Variants in VPS52 observed in about 807,000 individuals in gnomAD.
VPS52 encodes VPS52 subunit of GARP complex.
Under a neutral mutation model 98.7 loss-of-function variants are expected in VPS52, and 56 were observed. The observed-to-expected ratio is 0.57, with a 90% CI of 0.46 to 0.71. The LOEUF (loss-of-function observed/expected upper bound fraction) is 0.71, where lower values mean the gene tolerates loss of function less well. Among genes scored for constraint, VPS52 ranks in the 30% least tolerant of loss-of-function variants. VPS52 has a pLI of 0.00. For synonymous variants in VPS52, 348 were observed against 346.4 expected, an observed-to-expected ratio of 1.00 and a Z score of -0.05; for missense variants, 742 against 925.9, an observed-to-expected ratio of 0.80 and a Z score of 2.58.
At chr6:33,256,840 TAAAA>T (rs534430706) in intron 17 of VPS52, among the ~76,000 whole-genome samples, 1 of 91,718 alleles carries the variant, frequency 1.1e-5, no homozygotes, top group Non-Finnish European at 2.3e-5. Context: ...AGACTCTGTC[TAAAA>T]AAAAAAAAAA....
Position 33,264,684 on chromosome 6 carries a change from A to G in VPS52, c.1400+98T>C. ...AGCAAATGAATGGGAATAAAGGTTG[A>G]TGATACCAGGTCAGTAGGAGTCTAA... On this transcript the variant is annotated intron_variant, in intron 13 of 19. Transcript: ENST00000445902. 4 of 1,414,340 alleles carry G rather than the reference A, an allele frequency of 2.8e-6. No individual in the cohort carries two copies. The South Asian group carries it at 4.6e-5, about 16-fold the overall frequency. 87.6% of individuals were successfully genotyped at this position (1,414,340 alleles called of 1,614,324 possible).
chr6:33,257,572 T>C (rs1288684927), intron 17 of VPS52, among the ~76,000 whole-genome samples: 1 of 152,114 alleles, frequency 6.6e-6, no homozygotes, highest in African/African-American at 2.4e-5. Flanking sequence ...CTAATTTTTT[T>C]GTATTTTTAG....
chr6:33,255,700 G>A (rs1762855959), intron 17 of VPS52, among the ~76,000 whole-genome samples: 1 of 151,098 alleles, frequency 6.6e-6, no homozygotes, highest in Non-Finnish European at 1.5e-5. Context: ...GCTGAGGCAG[G>A]AAGAATGGCA....
At position 33,267,860 on chromosome 6, in the gene VPS52, C is replaced by T. The variant is rs1764526803; in HGVS notation, c.933+5G>A. On this transcript the variant is annotated splice_donor_5th_base_variant and intron_variant, in intron 9 of 19. Coordinates refer to ENST00000445902, the MANE Select transcript of VPS52 (RefSeq NM_022553.6). This position sits in a 1 kb window ranked among gnomAD's most constrained non-coding sequence, Gnocchi z 4.2. ...CCCAGGAATACCTCTCCCTCCTGAC[C>T]TTACCTGCACCTTCATGAGCCGCCC... The T allele has an allele frequency of 6.2e-7, 1 of 1,613,090 alleles. No homozygotes were observed. The highest frequency in any genetic ancestry group is 8.5e-7 in the Non-Finnish European group (1 of 1,180,028).
At chr6:33,269,464 A>G in intron 5 of VPS52, 26 bp downstream of exon 5, 1 of 1,612,816 alleles carries the variant, frequency 6.2e-7, no homozygotes, top group Non-Finnish European at 8.5e-7. Flanking sequence ...AGTAGCTATT[A>G]GGGGTCACAG....
chr6:33,261,150 T>C (rs956879086), intron 17 of VPS52, among the ~76,000 whole-genome samples: 7 of 151,994 alleles, frequency 4.6e-5, no homozygotes, highest in African/African-American at 1.5e-4. Context: ...TTGGTAAAAG[T>C]GCCAAGAACA....
intron 12 of VPS52, among the ~76,000 whole-genome samples, chr6:33,265,844 G>T (rs1045819251): frequency 7.6e-6 from 1 of 132,284 alleles, no homozygotes; most frequent in African/African-American, 2.6e-5. Flanking sequence ...TTTCATGGGG[G>T]AGTAACACTG....
intron 17 of VPS52, among the ~76,000 whole-genome samples, chr6:33,262,040 C>CAAAAAAAA (rs9257102): frequency 5.2e-4 from 8 of 15,374 alleles, no homozygotes; most frequent in African/African-American, 9.2e-4. Flanking sequence ...AACTCCATCT[C>CAAAAAAAA]AAAAAAAAAA....
chr6:33,268,391 G>A lies in VPS52; in HGVS notation c.699+108C>T. 6.9e-7 allele frequency: 1 copy of A among 1,438,912 alleles called. No individual in the cohort carries two copies. The highest frequency in any genetic ancestry group is 1.3e-5 in the South Asian group (1 of 75,664). The allele number at this position is 1,438,912 out of a possible 1,614,324, so 89.1% of individuals were successfully genotyped here. A position where few individuals can be genotyped will look rare whatever the true frequency, so the allele number is the denominator to read the frequency against. On this transcript the variant is annotated intron_variant, in intron 7 of 19. Transcript: ENST00000445902. This position sits in a 1 kb window ranked among gnomAD's most constrained non-coding sequence, Gnocchi z 4.0. ...TGGGGCTGCCCAGAAAAGGCAGGGT[G>A]AAGTCCCTGGAGACAGGCTACAGTG...
At chr6:33,259,429 A>AT (rs9282482) in intron 17 of VPS52, among the ~76,000 whole-genome samples, 52,885 of 151,962 alleles carry the variant, frequency 0.35, 9,577 homozygotes, top group East Asian at 0.6. Flanking sequence ...CATCACTAAT[A>AT]TTTTTCCCAC....
chr6:33,255,463 T>A (rs939149731), intron 17 of VPS52, among the ~76,000 whole-genome samples: 2 of 39,544 alleles, frequency 5.1e-5, no homozygotes, highest in East Asian at 3.3e-3. Context: ...TACGCCTGGC[T>A]TTTTTTTTTT....
intron 12 of VPS52, among the ~76,000 whole-genome samples, chr6:33,265,672 A>G (rs79720727): frequency 0.038 from 5,798 of 152,118 alleles, 193 homozygotes; most frequent in African/African-American, 0.087. Flanking sequence ...GCACCTGGCC[A>G]CACCAGGATC....
In VPS52 at chr6:33,269,903, A is replaced by G; in HGVS notation, c.229-84T>C. 7 of 1,597,424 alleles carry G rather than the reference A, an allele frequency of 4.4e-6. No homozygotes were observed. In the South Asian group the frequency reaches 7.7e-5, roughly 18 times the overall value. ...AGAATCAGTGAAGGACTAAAGGGTC[A>G]GATACCAGGCTGATACAACAAAAGC... is the stretch of plus-strand genomic sequence containing the variant. On this transcript the variant is annotated intron_variant, in intron 3 of 19. Coordinates refer to ENST00000445902, the MANE Select transcript of VPS52 (RefSeq NM_022553.6).
chr6:33,264,328 G>A, intron 14 of VPS52, 46 bp downstream of exon 14: 1 of 1,607,656 alleles, frequency 6.2e-7, no homozygotes, highest in Non-Finnish European at 8.5e-7. Context: ...ATGATGCTTA[G>A]AGCCCTGCCT....
chr6:33,266,635 A>C lies in VPS52; in HGVS notation c.1203T>G (p.Cys401Trp), dbSNP rs767889937. The change falls in exon 12 of 20, where the codon TGT becomes TGG. Residue 401 changes from cysteine to tryptophan, a missense_variant. Transcript: ENST00000445902. ...CTGGGCCAGACACAACAAAAAATTCACAGATGAAAAGGTATTCGCGGCAGG... is the reference window on the plus strand; with the variant it reads ...CTGGGCCAGACACAACAAAAAATTCCCAGATGAAAAGGTATTCGCGGCAGG... ...DNSCREYLFI[C>W]EFFVVSGPAA... 1.2e-6 allele frequency: 2 copies of C among 1,612,952 alleles called. No homozygotes were observed. Among genetic ancestry groups the C allele is most frequent in the Non-Finnish European group, 1.7e-6 (2 of 1,179,974 alleles).
Position 33,268,307 on chromosome 6 carries a change from G to T in VPS52, c.700-99C>A, listed in dbSNP as rs1379825691. 5.8e-6 allele frequency: 8 copies of T among 1,368,400 alleles called. No individual in the cohort carries two copies. The highest frequency in any genetic ancestry group is 8.2e-6 in the Non-Finnish European group (8 of 970,360). 84.8% of individuals were successfully genotyped at this position (1,368,400 alleles called of 1,614,324 possible). On this transcript the variant is annotated intron_variant, in intron 7 of 19. Transcript: ENST00000445902. This position sits in a 1 kb window ranked among gnomAD's most constrained non-coding sequence, Gnocchi z 4.0. ...ACAAATGGTAAACATAGGCAGAAGG[G>T]TGGTGAATATCTCTTTGGTATTTCT...
intron 17 of VPS52, among the ~76,000 whole-genome samples, chr6:33,262,848 C>T (rs375854796): frequency 6.6e-6 from 1 of 151,936 alleles, no homozygotes. Context: ...TACTCATGTA[C>T]GAAGAGAGTA....
Position 33,269,866 on chromosome 6 carries a change from G to C in VPS52, c.229-47C>G, listed in dbSNP as rs564253318. 5 of 1,594,892 alleles carry C rather than the reference G, an allele frequency of 3.1e-6. No individual in the cohort carries two copies. In the South Asian group the frequency reaches 3.3e-5, roughly 11 times the overall value. On this transcript the variant is annotated intron_variant, in intron 3 of 19. Coordinates refer to ENST00000445902, the MANE Select transcript of VPS52 (RefSeq NM_022553.6). ...AGGTCAGAAGGAAGTCTCAGTAAAG[G>C]GACACTGTAACAGAATCAGTGAAGG...
intron 12 of VPS52, among the ~76,000 whole-genome samples, chr6:33,265,470 G>C (rs56154306): frequency 1.3e-5 from 2 of 152,270 alleles, no homozygotes; most frequent in Non-Finnish European, 2.9e-5. Context: ...GGGCTCAAGT[G>C]ATGTTCCCAC....
Sources: gnomAD v4.1 joint callset for allele counts (sites outside exome capture counted in the v4.1 genomes callset) on GRCh38, gnomAD v4.1.1 for gene constraint, Gnocchi (gnomAD v3.1) non-coding constraint, MANE v1.5 for transcripts, NCBI Gene and HGNC (gene_info 2026-07-23, HGNC 2026-07-21) for gene names.